The following ALDH8A1 variants were observed in gnomAD, a reference collection of about 807,000 sequenced individuals.
ALDH8A1 encodes the protein 2-aminomuconic semialdehyde dehydrogenase.
Under a neutral mutation model 43.3 loss-of-function variants are expected in ALDH8A1, and 39 were observed. The observed-to-expected ratio is 0.90, with a 90% CI of 0.70 to 1.18. The LOEUF is 1.18. Ranked by LOEUF, ALDH8A1 falls within the 50% of genes most tolerant of loss-of-function variation. The probability of loss-of-function intolerance (pLI) is 0.00; values close to 1 mark genes in which losing one functional copy is unlikely to be tolerated. For missense variants in ALDH8A1, 605 were observed against 622.6 expected (o/e 0.97, Z 0.30); for synonymous variants, 233 against 243.5 (o/e 0.96, Z 0.40).
chr6:134,926,937 C>T (rs1198599933), intron 6 of ALDH8A1, among the ~76,000 whole-genome samples: 1 of 152,142 alleles, frequency 6.6e-6, no homozygotes, highest in Non-Finnish European at 1.5e-5. Flanking sequence ...CACCCTTAAG[C>T]TCAAATGCTT....
Position 134,918,293 on chromosome 6 carries a change from G to GA in ALDH8A1, c.*121dup. On this transcript the variant is annotated 3_prime_UTR_variant, in exon 7 of 7. Transcript: ENST00000265605. Reference sequence around the variant, plus strand: ...GTTACTAAGAACTGAGGATAAGCTAGAGATAACCTTCTGCCAAGTCAAGGC... The same window carrying GA: ...GTTACTAAGAACTGAGGATAAGCTAGAAGATAACCTTCTGCCAAGTCAAGGC... The GA allele has an allele frequency of 1.1e-6, 1 of 896,152 alleles. No homozygotes were observed. Among genetic ancestry groups the GA allele is most frequent in the Non-Finnish European group, 1.7e-6 (1 of 587,084 alleles). The allele number at this position is 896,152 out of a possible 1,614,324, so 55.5% of individuals were successfully genotyped here.
chr6:134,942,498 G>T lies in ALDH8A1; in HGVS notation c.353C>A (p.Ala118Asp). 1 of 1,614,256 alleles carries T rather than the reference G, an allele frequency of 6.2e-7. No individual in the cohort carries two copies. The highest frequency in any genetic ancestry group is 8.5e-7 in the Non-Finnish European group (1 of 1,180,050). Residue 118 changes from alanine (A) to aspartate (D), a missense_variant, in exon 3 of 7, where the codon GCT (alanine) becomes GAT (aspartate). Physicochemically the swap from Ala to Asp is moderately radical, Grantham distance 126. Coordinates refer to ENST00000265605, the MANE Select transcript of ALDH8A1 (RefSeq NM_022568.4). Reference sequence around the variant, plus strand: ...TGACGTGTGGTGCAGGCTGGAGGAAGCGAAGAACCTGAAGTTCTGCACAGA... The same window carrying T: ...TGACGTGTGGTGCAGGCTGGAGGAATCGAAGAACCTGAAGTTCTGCACAGA... ...PRSVQNFRFF[A>D]SSSLHHTSEC...
intron 6 of ALDH8A1, among the ~76,000 whole-genome samples, chr6:134,926,173 AG>A (rs1321102332): frequency 6.6e-6 from 1 of 151,422 alleles, no homozygotes; most frequent in Non-Finnish European, 1.5e-5. Context: ...TAGCTACATT[AG>A]AAATACCAGC....
At chr6:134,945,979 C>T (rs575802041) in intron 1 of ALDH8A1, among the ~76,000 whole-genome samples, 115 of 152,246 alleles carry the variant, frequency 7.6e-4, no homozygotes, top group African/African-American at 2.5e-3. Context: ...TTTTTCTTGG[C>T]CTTCACACGC....
chr6:134,918,428 G>C lies in ALDH8A1; in HGVS notation c.1451C>G (p.Thr484Ser). Residue 484 changes from threonine (T) to serine (S), a missense_variant, in exon 7 of 7, where the codon ACC becomes AGC. Thr to Ser is a moderately conservative substitution (Grantham distance 58, BLOSUM62 1). Transcript: ENST00000265605. Reference protein sequence around the residue: ...YDFFTEIKTITVKH With the variant: ...YDFFTEIKTISVKH ...CATTAGCAAAGATCAGTGTTTAACG[G>C]TGATGGTTTTGATCTCAGTGAAGAA... The C allele has an allele frequency of 6.2e-7, 1 of 1,614,126 alleles. No individual in the cohort carries two copies. The highest frequency in any genetic ancestry group is 1.3e-5 in the African/African-American group (1 of 75,044).
In ALDH8A1 at chr6:134,943,973, G is replaced by T. The variant is rs1468035673; in HGVS notation, c.139-7C>A. ...CCTTGACCGCGGCTTCGATCTTTGA[G>T]GAGCAAATGGGAGAAAGGGTCACCT... On this transcript the variant is annotated splice_region_variant and splice_polypyrimidine_tract_variant and intron_variant, in intron 1 of 6. Transcript: ENST00000265605. 3.1e-6 allele frequency: 5 copies of T among 1,612,444 alleles called. No homozygotes were observed. The highest frequency in any genetic ancestry group is 4.2e-6 in the Non-Finnish European group (5 of 1,179,158).
chr6:134,937,326 T>C (rs1391732642), intron 4 of ALDH8A1, among the ~76,000 whole-genome samples: 3 of 152,228 alleles, frequency 2.0e-5, no homozygotes, highest in African/African-American at 7.2e-5. Flanking sequence ...TACGTTGCTC[T>C]AAAGCAGATG....
chr6:134,924,217 G>A (rs1237447170), intron 6 of ALDH8A1, among the ~76,000 whole-genome samples: 1 of 152,190 alleles, frequency 6.6e-6, no homozygotes, highest in Non-Finnish European at 1.5e-5. Context: ...CCTGTATGCC[G>A]GTGCTACCGG....
At chr6:134,942,663 T>C (rs755896190) in intron 2 of ALDH8A1, 99 bp from the exon 3 acceptor site, 95 of 1,280,730 alleles carry the variant, frequency 7.4e-5, no homozygotes, top group Non-Finnish European at 1.0e-4. Flanking sequence ...TGAAACAGCC[T>C]GGATTCCTTC....
At chr6:134,943,703 C>T (rs1454001316) in intron 2 of ALDH8A1, 116 bp downstream of exon 2, 2 of 1,470,418 alleles carry the variant, frequency 1.4e-6, no homozygotes, top group Non-Finnish European at 1.8e-6. Flanking sequence ...TTGCTCTCCA[C>T]TTCTACTATT....
Position 134,923,282 on chromosome 6 carries a change from G to A in ALDH8A1, c.1012-4415C>T, listed in dbSNP as rs1323338474. Among the ~76,000 whole-genome samples, 5 of 151,490 alleles carry A rather than the reference G, an allele frequency of 3.3e-5. No individual in the cohort carries two copies. The East Asian group carries it at 7.7e-4, about 23-fold the overall frequency. ...TGGGCTCAAGTGATCTTCCTGCCTC[G>A]GCCTCCCACAGTGCTAGGATTACAG... On this transcript the variant is annotated intron_variant, in intron 6 of 6. Coordinates refer to ENST00000265605, the MANE Select transcript of ALDH8A1 (RefSeq NM_022568.4).
intron 6 of ALDH8A1, among the ~76,000 whole-genome samples, chr6:134,927,873 A>G (rs1488797304): frequency 6.6e-6 from 1 of 152,082 alleles, no homozygotes; most frequent in Non-Finnish European, 1.5e-5. Flanking sequence ...AGGGAGCCCT[A>G]GTGTCCAAAA....
At position 134,929,105 on chromosome 6, in the gene ALDH8A1, A is replaced by G. The variant is rs762496740; in HGVS notation, c.960T>C (p.Ser320=). 1 of 1,614,226 alleles carries G rather than the reference A, an allele frequency of 6.2e-7. No individual in the cohort carries two copies. Among genetic ancestry groups the G allele is most frequent in the Non-Finnish European group, 8.5e-7 (1 of 1,180,032 alleles). The change falls in exon 6 of 7, where the codon TCT becomes TCC. Residue 320 remains serine (S), a synonymous_variant. Transcript: ENST00000265605. The part of the protein sequence containing the change: ...ATRKWKVGIP[S]DPLVSIGALI... ...GAGCACCTATGCTCACCAGTGGATCAGAGGGAATGCCGACTTTCCACTTTC... is the reference window on the plus strand; with the variant it reads ...GAGCACCTATGCTCACCAGTGGATCGGAGGGAATGCCGACTTTCCACTTTC...
Position 134,950,043 on chromosome 6 carries a change from G to A in ALDH8A1, c.11C>T (p.Thr4Ile). 1 of 1,610,906 alleles carries A rather than the reference G, an allele frequency of 6.2e-7. No individual in the cohort carries two copies. The highest frequency in any genetic ancestry group is 2.2e-5 in the East Asian group (1 of 44,822). The stretch of plus-strand genomic sequence containing the variant: ...GTTTTCCAGCATCAAAAGTGCGTTT[G>A]TTCCAGCCATAGCAAGGAAAAATTC... MAG[T>I]NALLMLENFI... Residue 4 changes from threonine (T) to isoleucine (I), a missense_variant, in exon 1 of 7, where the codon ACA becomes ATA. Thr to Ile is a moderately conservative substitution (Grantham distance 89). Transcript: ENST00000265605.
Position 134,942,546 on chromosome 6 carries a change from GC to G in ALDH8A1, c.304del (p.Ala102GlnfsTer49). On this transcript the variant is annotated frameshift_variant, in exon 3 of 7. Coordinates refer to ENST00000265605, the MANE Select transcript of ALDH8A1 (RefSeq NM_022568.4). LOFTEE classifies it high-confidence loss of function. The stretch of plus-strand genomic sequence containing the variant: ...AGACCGGGGAATGTCCATGGTTCTT[GC>G]CAGTGCTAAGGTTTTCCCTGTAAGA... ...SKDQGKTLAL[A>X]RTMDIPRSVQ... 4 of 1,614,004 alleles carry G rather than the reference GC, an allele frequency of 2.5e-6. No homozygotes were observed. Among genetic ancestry groups the G allele is most frequent in the Non-Finnish European group, 2.5e-6 (3 of 1,179,906 alleles).
chr6:134,934,959 A>C (rs1773703000), intron 4 of ALDH8A1, among the ~76,000 whole-genome samples: 1 of 152,054 alleles, frequency 6.6e-6, no homozygotes. Context: ...CTGTGCATGC[A>C]CCTGTTTCCC....
intron 2 of ALDH8A1, among the ~76,000 whole-genome samples, chr6:134,942,850 T>C (rs1026337378): frequency 6.6e-6 from 1 of 152,206 alleles, no homozygotes; most frequent in African/African-American, 2.4e-5. Context: ...TGCTACCACT[T>C]CACCCACACA....
At chr6:134,936,687 G>T (rs541275749) in intron 4 of ALDH8A1, among the ~76,000 whole-genome samples, 1 of 152,322 alleles carries the variant, frequency 6.6e-6, no homozygotes, top group Admixed American at 6.5e-5. Flanking sequence ...TGCGGCAGCG[G>T]ATTGCTTTCC....
At chr6:134,941,878 C>T (rs1364624808) in intron 3 of ALDH8A1, among the ~76,000 whole-genome samples, 1 of 151,438 alleles carries the variant, frequency 6.6e-6, no homozygotes, top group Non-Finnish European at 1.5e-5. Flanking sequence ...TGTGAATTTA[C>T]ATATTTACTC....
Sources: gnomAD v4.1 joint callset for allele counts (sites outside exome capture counted in the v4.1 genomes callset) on GRCh38, gnomAD v4.1.1 for gene constraint, MANE v1.5 for transcripts, NCBI Gene and HGNC (gene_info 2026-07-23, HGNC 2026-07-21) for gene names.